Variants in SLC12A2 observed in about 807,000 individuals in gnomAD.
The protein encoded by SLC12A2 is Na-K-2Cl cotransporter 1.
Under a neutral mutation model 136.3 loss-of-function variants are expected in SLC12A2, and 67 were observed. The observed-to-expected ratio is 0.49, with a 90% confidence interval of 0.40 to 0.60. SLC12A2 has a LOEUF of 0.60. Ranked by LOEUF, SLC12A2 falls within the 20% of genes least tolerant of loss-of-function variation. The pLI is 0.00. For missense variants in SLC12A2, 1,322 were observed against 1,534.7 expected (o/e 0.86, Z 2.32); for synonymous variants, 619 against 562.9 (o/e 1.10, Z -1.41).
rs1759927661 is a variant in SLC12A2, at chr5:128,083,992, C to T, written c.38C>T (p.Pro13Leu). 4.8e-6 allele frequency: 6 copies of T among 1,247,492 alleles called. No individual in the cohort carries two copies. Among genetic ancestry groups the T allele is most frequent in the Non-Finnish European group, 6.0e-6 (6 of 997,148 alleles). The allele number at this position is 1,247,492 out of a possible 1,614,324, so 77.3% of individuals were successfully genotyped here. Residue 13 changes from proline (P) to leucine (L), a missense_variant, in exon 1 of 27, where the codon CCG (proline) becomes CTG (leucine). Pro to Leu is a moderately conservative substitution (Grantham distance 98). Around this residue, in one of 8 missense-constraint regions of SLC12A2, gnomAD observed 358 missense variants for 299.7 expected, o/e 1.19. Coordinates refer to ENST00000262461, the MANE Select transcript of SLC12A2 (RefSeq NM_001046.3). The part of the protein sequence containing the change: ...PRPTAPSSGA[P>L]GLAGVGETPS... The stretch of plus-strand genomic sequence containing the variant: ...CCCACGGCGCCCTCCTCCGGCGCCC[C>T]GGGACTGGCCGGGGTCGGGGAGACG...
intron 17 of SLC12A2, among the ~76,000 whole-genome samples, chr5:128,167,509 G>A (rs1763240112): frequency 6.6e-6 from 1 of 151,818 alleles, no homozygotes; most frequent in African/African-American, 2.4e-5. Flanking sequence ...GATCATAAAA[G>A]TACAAAAATA....
At chr5:128,158,667 C>T (rs1762938593) in intron 16 of SLC12A2, among the ~76,000 whole-genome samples, 1 of 152,092 alleles carries the variant, frequency 6.6e-6, no homozygotes, top group South Asian at 2.1e-4. Context: ...TGAACGTACG[C>T]ATGCATGTGT....
intron 17 of SLC12A2, among the ~76,000 whole-genome samples, chr5:128,165,348 G>A (rs1011767316): frequency 2.6e-5 from 4 of 152,008 alleles, no homozygotes; most frequent in Non-Finnish European, 5.9e-5. Context: ...AACTAAATAC[G>A]TTTTTTTGGT....
Position 128,110,827 on chromosome 5 carries a change from C to T in SLC12A2, c.757-1987C>T, listed in dbSNP as rs192839676. 12 of 1,476,188 alleles carry T rather than the reference C, an allele frequency of 8.1e-6. No homozygotes were observed. The African/African-American group carries it at 1.7e-4, about 20-fold the overall frequency. The allele number at this position is 1,476,188 out of a possible 1,614,324, so 91.4% of individuals were successfully genotyped here. A position where few individuals can be genotyped will look rare whatever the true frequency, so the allele number is the denominator to read the frequency against. On this transcript the variant is annotated intron_variant, in intron 1 of 26. Transcript: ENST00000262461. Reference sequence around the variant, plus strand: ...AGGACAAGAATTTGCAAGAAATAATCTCATGGATGATGACATATTCTGTTA... The same window carrying T: ...AGGACAAGAATTTGCAAGAAATAATTTCATGGATGATGACATATTCTGTTA...
chr5:128,113,034 T>C (rs1331802966), intron 2 of SLC12A2, 101 bp downstream of exon 2: 7 of 1,053,052 alleles, frequency 6.6e-6, no homozygotes, highest in Non-Finnish European at 7.9e-6. Context: ...TTTTTTTCTC[T>C]ATGTTAACTG....
chr5:128,177,432 G>T, intron 21 of SLC12A2: 1 of 255,060 alleles, frequency 3.9e-6, no homozygotes, highest in African/African-American at 2.3e-5. Context: ...TAAACTGCAT[G>T]GTTTAGATGA....
intron 18 of SLC12A2, chr5:128,170,988 C>A (rs533114422): frequency 6.6e-6 from 1 of 150,850 alleles, no homozygotes; most frequent in African/African-American, 2.5e-5. Flanking sequence ...CCCAGCTACT[C>A]GGGAGGCTGA....
chr5:128,155,711 T>A (rs1762851647), intron 15 of SLC12A2, among the ~76,000 whole-genome samples: 1 of 152,194 alleles, frequency 6.6e-6, no homozygotes, highest in South Asian at 2.1e-4. Flanking sequence ...TCTCTAATAC[T>A]TGGCCAGGGA....
At position 128,187,355 on chromosome 5, in the gene SLC12A2, G is replaced by A. The variant is rs1763902268; in HGVS notation, c.*724G>A. On this transcript the variant is annotated 3_prime_UTR_variant, in exon 27 of 27. Transcript: ENST00000262461. ...TATTATTATTTATTGAAACCTTAGG[G>A]AAGATTGAAGATTCATCCCATACTT... is the stretch of plus-strand genomic sequence containing the variant. The A allele has an allele frequency of 6.6e-6, 1 of 151,934 alleles. No individual in the cohort carries two copies. Among genetic ancestry groups the A allele is most frequent in the Non-Finnish European group, 1.5e-5 (1 of 67,980 alleles). The allele number at this position is 151,934 out of a possible 1,614,324, so 9.4% of individuals were successfully genotyped here.
chr5:128,129,015 T>G (rs1404813444), intron 4 of SLC12A2, among the ~76,000 whole-genome samples: 1 of 152,090 alleles, frequency 6.6e-6, no homozygotes, highest in Non-Finnish European at 1.5e-5. Flanking sequence ...GACTTTTAAA[T>G]CTTTTGAAAT....
At chr5:128,104,791 C>T (rs948764147) in intron 1 of SLC12A2, among the ~76,000 whole-genome samples, 1 of 151,886 alleles carries the variant, frequency 6.6e-6, no homozygotes, top group Non-Finnish European at 1.5e-5. Flanking sequence ...TCCTGTATAG[C>T]AGTTTCATAG....
rs1482598172 is a variant in SLC12A2 at position 128,167,831 on chromosome 5, A to T, written c.2687A>T (p.Asp896Val). The T allele has an allele frequency of 6.2e-7, 1 of 1,606,684 alleles. No homozygotes were observed. Among genetic ancestry groups the T allele is most frequent in the Admixed American group, 1.7e-5 (1 of 58,998 alleles). Residue 896 changes from aspartate (D) to valine (V), a missense_variant, in exon 18 of 27, where the codon GAT (aspartate) becomes GTT (valine). This residue lies in a region of SLC12A2 where 226 missense variants were observed against 210.4 expected (regional missense o/e 1.07). Transcript: ENST00000262461. ...LGFKKDWLQA[D>V]MRDVDMYINL... ...TTTAAGAAAGATTGGTTGCAAGCAG[A>T]TATGAGGGATGTGGATATGTATATA... is the stretch of plus-strand genomic sequence containing the variant.
In SLC12A2 at chr5:128,167,751, T is replaced by A. The variant is rs1415579936; in HGVS notation, c.2617-10T>A. The A allele has an allele frequency of 6.4e-7, 1 of 1,561,068 alleles. No individual in the cohort carries two copies. The highest frequency in any genetic ancestry group is 1.7e-4 in the Middle Eastern group (1 of 5,916). On this transcript the variant is annotated splice_polypyrimidine_tract_variant and intron_variant, in intron 17 of 26. Coordinates refer to ENST00000262461, the MANE Select transcript of SLC12A2 (RefSeq NM_001046.3). ...TATATCTGTAAAGTTATATTGACCC[T>A]ATATTTTAGGCTGCTGGTCTTGGTC...
In SLC12A2 at chr5:128,187,776, AC is replaced by A. The variant is rs1407740706; in HGVS notation, c.*1146del. On this transcript the variant is annotated 3_prime_UTR_variant, in exon 27 of 27. Coordinates refer to ENST00000262461, the MANE Select transcript of SLC12A2 (RefSeq NM_001046.3). ...TTTAATCCATTCTTAATATTTTAAA[AC>A]TTTTGTTAAGAAAAACTGCCAGTTT... 4 of 152,606 alleles carry A rather than the reference AC, an allele frequency of 2.6e-5. No individual in the cohort carries two copies. Among genetic ancestry groups the A allele is most frequent in the Admixed American group, 6.5e-5 (1 of 15,282 alleles). The allele number at this position is 152,606 out of a possible 1,614,324, so 9.5% of individuals were successfully genotyped here. A position where few individuals can be genotyped will look rare whatever the true frequency, so the allele number is the denominator to read the frequency against.
intron 20 of SLC12A2, 26 bp downstream of exon 20, chr5:128,174,692 TTATTAA>T (rs763412986): frequency 8.7e-6 from 13 of 1,495,994 alleles, no homozygotes; most frequent in Non-Finnish European, 1.2e-5. Context: ...ACAATAAGTC[TTATTAA>T]TAGTAATGTT....
chr5:128,147,562 G>T, intron 10 of SLC12A2, 60 bp from the exon 11 acceptor site: 1 of 1,044,032 alleles, frequency 9.6e-7, no homozygotes, highest in Non-Finnish European at 1.5e-6. Flanking sequence ...ACATAATATT[G>T]TGTTATTTTC....
intron 22 of SLC12A2, among the ~76,000 whole-genome samples, chr5:128,179,173 C>T (rs1225084401): frequency 6.6e-6 from 1 of 152,146 alleles, no homozygotes; most frequent in Non-Finnish European, 1.5e-5. Flanking sequence ...TTTATAATTA[C>T]AGGTATTGGG....
chr5:128,108,318 T>C (rs1761022483), intron 1 of SLC12A2, among the ~76,000 whole-genome samples: 1 of 152,128 alleles, frequency 6.6e-6, no homozygotes, highest in African/African-American at 2.4e-5. Flanking sequence ...ATCCTCAAGA[T>C]AAATGAAAAC....
In SLC12A2 at chr5:128,151,233, ATTG is replaced by A. The variant is rs1183510231; in HGVS notation, c.2108-5_2108-3del. Reference sequence around the variant, plus strand: ...TTTGTGTGACTTTTATTTATTTGTTATTGTTAGGATGGCGTCCTGCATTCAAAT... The same window carrying A: ...TTTGTGTGACTTTTATTTATTTGTTATTAGGATGGCGTCCTGCATTCAAAT... On this transcript the variant is annotated splice_polypyrimidine_tract_variant and splice_region_variant and intron_variant, in intron 13 of 26. Transcript: ENST00000262461. 1 of 1,597,652 alleles carries A rather than the reference ATTG, an allele frequency of 6.3e-7. No homozygotes were observed. Among genetic ancestry groups the A allele is most frequent in the Non-Finnish European group, 8.5e-7 (1 of 1,173,108 alleles).
Sources: gnomAD v4.1 joint callset for allele counts (sites outside exome capture counted in the v4.1 genomes callset) on GRCh38, gnomAD v4.1.1 for gene constraint, gnomAD v4.1.1 regional missense constraint, MANE v1.5 for transcripts, NCBI Gene and HGNC (gene_info 2026-07-23, HGNC 2026-07-21) for gene names.